The following DGKG variants were observed in gnomAD, a reference collection of about 807,000 sequenced individuals.
DGKG encodes diacylglycerol kinase gamma, also known as DAG kinase gamma.
Under a neutral mutation model 105.3 loss-of-function variants are expected in DGKG, and 78 were observed. The ratio of observed to expected loss-of-function variants is 0.74; its 90% CI spans 0.62 to 0.89. DGKG has a LOEUF of 0.89. Among genes scored for constraint, DGKG ranks in the 40% least tolerant of loss-of-function variants. The probability of loss-of-function intolerance (pLI) is 0.00; values close to 1 mark genes in which losing one functional copy is unlikely to be tolerated. For synonymous variants in DGKG, 346 were observed against 367.1 expected (o/e 0.94, Z 0.66); for missense variants, 958 against 1,020.1 (o/e 0.94, Z 0.83).
At chr3:186,249,696 G>A (rs1721115017) in intron 19 of DGKG, among the ~76,000 whole-genome samples, 1 of 152,098 alleles carries the variant, frequency 6.6e-6, no homozygotes, top group African/African-American at 2.4e-5. Context: ...ACAAAAATTA[G>A]CTGGATGTGG....
intron 21 of DGKG, among the ~76,000 whole-genome samples, chr3:186,192,556 C>T (rs1717956334): frequency 6.6e-6 from 1 of 152,134 alleles, no homozygotes; most frequent in Non-Finnish European, 1.5e-5. Context: ...AGCATTGCTA[C>T]CCCCAACTGA....
At chr3:186,340,074 C>T (rs1034821102) in intron 1 of DGKG, among the ~76,000 whole-genome samples, 1 of 152,110 alleles carries the variant, frequency 6.6e-6, no homozygotes, top group African/African-American at 2.4e-5. Flanking sequence ...GGTAAATGTG[C>T]CAAGATTCCC....
intron 1 of DGKG, among the ~76,000 whole-genome samples, chr3:186,326,441 C>T (rs1288823106): frequency 6.7e-6 from 1 of 149,160 alleles, no homozygotes; most frequent in African/African-American, 2.5e-5. Context: ...CACACACACA[C>T]CCCTCATCTC....
intron 21 of DGKG, chr3:186,207,532 A>AAAAAAC: frequency 1.0e-6 from 1 of 983,606 alleles, no homozygotes; most frequent in Non-Finnish European, 1.2e-6. Flanking sequence ...CAGTTACATA[A>AAAAAAC]AAAAACAAAA....
At chr3:186,296,122 A>G (rs1052347846) in intron 5 of DGKG, among the ~76,000 whole-genome samples, 4 of 151,876 alleles carry the variant, frequency 2.6e-5, no homozygotes, top group South Asian at 2.1e-4. Flanking sequence ...CAAAAAAAAA[A>G]AAAAGAAAAG....
At chr3:186,255,231 GA>G (rs1721409743) in intron 17 of DGKG, among the ~76,000 whole-genome samples, 2 of 152,268 alleles carry the variant, frequency 1.3e-5, no homozygotes, top group African/African-American at 4.8e-5. Flanking sequence ...GCTATATGCA[GA>G]TGCAGTGTTA....
chr3:186,279,872 G>T lies in DGKG; in HGVS notation c.771C>A (p.Val257=). ...TTACAGAGTCATCCATCCCCAGGAG[G>T]ACCAGCAATGGGATGGTGGTCATCC... ...HGGMTTIPLL[V]LLGMDDSGSK... The change falls in exon 9 of 25, where the codon GTC becomes GTA. Residue 257 remains valine, a synonymous_variant. Transcript: ENST00000265022. 1 of 1,613,804 alleles carries T rather than the reference G, an allele frequency of 6.2e-7. No homozygotes were observed. The highest frequency in any genetic ancestry group is 1.1e-5 in the South Asian group (1 of 91,018).
At chr3:186,242,174 C>T (rs1198191968) in intron 20 of DGKG, among the ~76,000 whole-genome samples, 3 of 152,222 alleles carry the variant, frequency 2.0e-5, no homozygotes, top group African/African-American at 7.2e-5. Flanking sequence ...TACTTGGAAG[C>T]AGCAGAGACT....
intron 5 of DGKG, among the ~76,000 whole-genome samples, chr3:186,297,068 T>TCTCTCTCTCA (rs1452573661): frequency 7.7e-6 from 1 of 130,420 alleles, no homozygotes; most frequent in Admixed American, 7.9e-5. Flanking sequence ...TCTGTCTCTC[T>TCTCTCTCTCA]CACACACACA....
At chr3:186,265,772 C>G (rs7619004) in intron 13 of DGKG, among the ~76,000 whole-genome samples, 1 of 150,196 alleles carries the variant, frequency 6.7e-6, no homozygotes, top group Non-Finnish European at 1.5e-5. Context: ...AAGTGATTCT[C>G]CTGTCTCGGC....
At chr3:186,348,376 T>C (rs1560167057) in intron 1 of DGKG, among the ~76,000 whole-genome samples, 1 of 150,422 alleles carries the variant, frequency 6.6e-6, no homozygotes, top group Non-Finnish European at 1.5e-5. Flanking sequence ...GCTTTTTTTT[T>C]TTTTTTTTTC....
intron 1 of DGKG, among the ~76,000 whole-genome samples, chr3:186,332,933 C>T (rs1725668319): frequency 6.6e-6 from 1 of 152,092 alleles, no homozygotes; most frequent in Non-Finnish European, 1.5e-5. Flanking sequence ...CTAACACGTT[C>T]AGCCCCCTCA....
At chr3:186,302,488 A>ACACACACACATATG (rs1415953484) in intron 3 of DGKG, among the ~76,000 whole-genome samples, 13 of 24,170 alleles carry the variant, frequency 5.4e-4, no homozygotes, top group African/African-American at 3.9e-3. Context: ...ATATATATAT[A>ACACACACACATATG]TATATATATA....
intron 1 of DGKG, among the ~76,000 whole-genome samples, chr3:186,336,179 C>A (rs1725824107): frequency 6.6e-6 from 1 of 152,158 alleles, no homozygotes; most frequent in Non-Finnish European, 1.5e-5. Context: ...TCTGCAGGAC[C>A]ATCTCAGTCC....
Position 186,268,910 on chromosome 3 carries a change from T to C in DGKG, c.1007A>G (p.Gln336Arg). Reference protein sequence around the residue: ...SKAKRSGEVMQHAWVEGNSSV... With the variant: ...SKAKRSGEVMRHAWVEGNSSV... The stretch of plus-strand genomic sequence containing the variant: ...GGAGTTCCCTTCCACCCATGCGTGC[T>C]GCATCACCTGCGGGAGGGAAGCGAA... The change falls in exon 12 of 25, where the codon CAG becomes CGG. Residue 336 changes from glutamine to arginine, a missense_variant. Physicochemically the swap from Gln to Arg is conservative, Grantham distance 43 (BLOSUM62 1). This residue lies in a region of DGKG where 643 missense variants were observed against 619.5 expected (regional missense o/e 1.04). Transcript: ENST00000265022. 1 of 1,612,326 alleles carries C rather than the reference T, an allele frequency of 6.2e-7. No homozygotes were observed. The highest frequency in any genetic ancestry group is 1.3e-5 in the African/African-American group (1 of 75,032).
At chr3:186,263,725 C>A (rs988074112) in intron 14 of DGKG, among the ~76,000 whole-genome samples, 1 of 151,110 alleles carries the variant, frequency 6.6e-6, no homozygotes, top group Non-Finnish European at 1.5e-5. Flanking sequence ...GCATTGGGAG[C>A]AGAGTGGGGT....
intron 19 of DGKG, among the ~76,000 whole-genome samples, chr3:186,251,174 G>A (rs116515577): frequency 0.011 from 1,683 of 152,320 alleles, 48 homozygotes; most frequent in African/African-American, 0.037. Context: ...TGCATGAATG[G>A]GGTGAGCATA....
At chr3:186,355,534 A>G (rs144813665) in intron 1 of DGKG, among the ~76,000 whole-genome samples, 2,454 of 150,416 alleles carry the variant, frequency 0.016, 60 homozygotes, top group African/African-American at 0.056. Flanking sequence ...CACTACCACC[A>G]TCACCACTAT....
At chr3:186,219,979 G>T (rs1189320569) in intron 20 of DGKG, among the ~76,000 whole-genome samples, 2 of 152,218 alleles carry the variant, frequency 1.3e-5, no homozygotes, top group Non-Finnish European at 2.9e-5. Flanking sequence ...AGTGTAAATG[G>T]AGTCCAGGAG....
Sources: allele counts gnomAD v4.1 joint callset (sites outside exome capture counted in the v4.1 genomes callset), GRCh38; gene constraint gnomAD v4.1.1; regional missense constraint gnomAD v4.1.1; transcripts MANE v1.5; gene names NCBI Gene and HGNC (gene_info 2026-07-23, HGNC 2026-07-21).